ERC2: variants seen among roughly 807,000 people sequenced by gnomAD.
ERC2 encodes the protein ERC protein 2.
ERC2 carries 42 observed loss-of-function variants against 114.8 expected under a neutral mutation model. That is an observed-to-expected ratio of 0.37 (90% CI 0.29 to 0.47). ERC2 has a LOEUF of 0.47. Ranked by LOEUF, ERC2 falls within the 20% of genes least tolerant of loss-of-function variation. The pLI is 0.99. For synonymous variants in ERC2, 454 were observed against 425.5 expected (o/e 1.07, Z -0.82); for missense variants, 939 against 1,150.7 (o/e 0.82, Z 2.66).
chr3:55,913,724 G>A lies in ERC2; in HGVS notation c.2404-25175C>T, dbSNP rs781369981. 1.6e-3 allele frequency among the ~76,000 whole-genome samples: 243 copies of A among 152,242 alleles called. 1 individual carries two copies. Among genetic ancestry groups the A allele is most frequent in the Non-Finnish European group, 1.1e-3 (72 of 68,022 alleles). On this transcript the variant is annotated intron_variant, in intron 13 of 17. Transcript: ENST00000288221. The stretch of plus-strand genomic sequence containing the variant: ...GAAAGAAGATGGGGACACAAGACTT[G>A]ACACTACTGTCCATTAAACTCACCA...
chr3:55,953,627 T>A (rs1470109431), intron 12 of ERC2, among the ~76,000 whole-genome samples: 2 of 152,126 alleles, frequency 1.3e-5, no homozygotes, highest in East Asian at 3.9e-4. Context: ...CACTACCAGA[T>A]AACCCCTCTC....
chr3:55,920,757 G>A (rs1033904405), intron 13 of ERC2, among the ~76,000 whole-genome samples: 2 of 152,042 alleles, frequency 1.3e-5, no homozygotes, highest in Admixed American at 6.6e-5. Flanking sequence ...AAGAGGAAGT[G>A]GGGAGGTTAA....
chr3:55,527,935 G>C (rs1013581667), intron 17 of ERC2, among the ~76,000 whole-genome samples: 2 of 152,112 alleles, frequency 1.3e-5, no homozygotes, highest in African/African-American at 2.4e-5. Flanking sequence ...GGTAGAGTCA[G>C]AGGCCACTCC....
intron 14 of ERC2, among the ~76,000 whole-genome samples, chr3:55,788,434 C>G (rs553164133): frequency 4.3e-4 from 66 of 152,306 alleles, no homozygotes; most frequent in African/African-American, 1.5e-3. Flanking sequence ...AATGGGAGGA[C>G]AACAGGCAAT....
intron 17 of ERC2, among the ~76,000 whole-genome samples, chr3:55,599,920 C>T (rs944426204): frequency 2.6e-5 from 4 of 152,206 alleles, no homozygotes; most frequent in African/African-American, 9.7e-5. Flanking sequence ...TCATATCGCT[C>T]TCTGGGCCTC....
At chr3:55,995,167 T>C (rs1440459137) in intron 10 of ERC2, among the ~76,000 whole-genome samples, 1 of 152,138 alleles carries the variant, frequency 6.6e-6, no homozygotes, top group Non-Finnish European at 1.5e-5. Context: ...ACCCCATCTC[T>C]ACTAAAAATA....
intron 3 of ERC2, among the ~76,000 whole-genome samples, chr3:56,283,998 G>A (rs1161363525): frequency 6.6e-6 from 1 of 152,192 alleles, no homozygotes; most frequent in Non-Finnish European, 1.5e-5. Context: ...TGCAAAAAAA[G>A]AACTCTGCTT....
chr3:55,994,795 A>G (rs1465319356), intron 10 of ERC2, among the ~76,000 whole-genome samples: 1 of 152,132 alleles, frequency 6.6e-6, no homozygotes, highest in African/African-American at 2.4e-5. Context: ...CAGTGGGTGA[A>G]ATCAGATGAA....
intron 14 of ERC2, among the ~76,000 whole-genome samples, chr3:55,828,708 G>A (rs754230094): frequency 6.6e-6 from 1 of 152,064 alleles, no homozygotes; most frequent in African/African-American, 2.4e-5. Flanking sequence ...AAAACTTAAT[G>A]GACACTGAGA....
chr3:56,266,201 G>T (rs562342688), intron 3 of ERC2, among the ~76,000 whole-genome samples: 7 of 145,112 alleles, frequency 4.8e-5, no homozygotes, highest in Non-Finnish European at 9.0e-5. Flanking sequence ...CACAATCTCG[G>T]CTCACTGCAA....
At chr3:56,091,761 T>C (rs1219080295) in intron 6 of ERC2, among the ~76,000 whole-genome samples, 1 of 152,194 alleles carries the variant, frequency 6.6e-6, no homozygotes, top group Non-Finnish European at 1.5e-5. Context: ...CTTCCTCTCA[T>C]AGTCATGGAT....
At chr3:55,987,310 G>C (rs1252153883) in intron 11 of ERC2, among the ~76,000 whole-genome samples, 3 of 152,194 alleles carry the variant, frequency 2.0e-5, no homozygotes, top group Non-Finnish European at 4.4e-5. Flanking sequence ...TTAAATCAAG[G>C]TCTGTGGCCA....
At chr3:56,431,961 A>T (rs1001302855) in intron 2 of ERC2, among the ~76,000 whole-genome samples, 20 of 152,348 alleles carry the variant, frequency 1.3e-4, no homozygotes, top group African/African-American at 4.1e-4. Flanking sequence ...TCAAGCATTC[A>T]CACACTCCTG....
intron 17 of ERC2, among the ~76,000 whole-genome samples, chr3:55,671,768 G>A (rs529500068): frequency 1.3e-5 from 2 of 152,270 alleles, no homozygotes; most frequent in South Asian, 4.1e-4. Context: ...AGCTCCACCT[G>A]CTTGGAAAAT....
intron 13 of ERC2, among the ~76,000 whole-genome samples, chr3:55,915,818 G>T (rs536608413): frequency 6.6e-6 from 1 of 152,230 alleles, no homozygotes; most frequent in East Asian, 1.9e-4. Context: ...TAAATTTATT[G>T]CTGTATTGTA....
chr3:55,624,847 T>C (rs1445987023), intron 17 of ERC2, among the ~76,000 whole-genome samples: 1 of 152,206 alleles, frequency 6.6e-6, no homozygotes, highest in Non-Finnish European at 1.5e-5. Context: ...TACCTGGTCC[T>C]GAAGCCACTG....
chr3:56,218,999 T>TG (rs1560401129), intron 3 of ERC2, among the ~76,000 whole-genome samples: 1 of 151,596 alleles, frequency 6.6e-6, no homozygotes, highest in Non-Finnish European at 1.5e-5. Context: ...TGGGGTGGTT[T>TG]GGGGGGAGGG....
At chr3:56,172,285 C>T (rs11716452) in intron 4 of ERC2, among the ~76,000 whole-genome samples, 1 of 151,870 alleles carries the variant, frequency 6.6e-6, no homozygotes, top group South Asian at 2.1e-4. Flanking sequence ...ATTATGAGTG[C>T]CTTGACTCAT....
chr3:55,825,811 A>G (rs958069930), intron 14 of ERC2, among the ~76,000 whole-genome samples: 4 of 152,180 alleles, frequency 2.6e-5, no homozygotes, highest in African/African-American at 9.7e-5. Flanking sequence ...TATTAGTATC[A>G]TTATTGTGTT....
Sources: gnomAD v4.1 joint callset for allele counts (sites outside exome capture counted in the v4.1 genomes callset) on GRCh38, gnomAD v4.1.1 for gene constraint, MANE v1.5 for transcripts, NCBI Gene and HGNC (gene_info 2026-07-23, HGNC 2026-07-21) for gene names.